The following FAM120A variants were observed in gnomAD, a reference collection of about 807,000 sequenced individuals.
FAM120A encodes family with sequence similarity 120 member A.
Under a neutral mutation model 109.7 loss-of-function variants are expected in FAM120A, and 15 were observed. The observed-to-expected ratio is 0.14, with a 90% CI of 0.09 to 0.21. FAM120A has a LOEUF of 0.21. FAM120A is among the 10% of genes least tolerant of loss of function. FAM120A has a pLI of 1.00. For synonymous variants in FAM120A, 493 were observed against 572.8 expected (o/e 0.86, Z 1.99); for missense variants, 899 against 1,439.3 (o/e 0.62, Z 6.07).
chr9:93,533,898 T>C (rs1200611874), intron 10 of FAM120A, among the ~76,000 whole-genome samples: 2 of 152,236 alleles, frequency 1.3e-5, no homozygotes, highest in Non-Finnish European at 2.9e-5. Flanking sequence ...TACCTTTACA[T>C]AGCAAACTCC....
At chr9:93,521,127 T>C (rs548771436) in intron 7 of FAM120A, among the ~76,000 whole-genome samples, 1 of 152,194 alleles carries the variant, frequency 6.6e-6, no homozygotes, top group African/African-American at 2.4e-5. Flanking sequence ...TCTTGCCACA[T>C]AGTTGTGCCT....
Position 93,451,699 on chromosome 9 carries a change from G to GGCGGCA in FAM120A, c.-211_-206dup. 1.0e-6 allele frequency: 1 copy of GGCGGCA among 978,324 alleles called. No individual in the cohort carries two copies. The highest frequency in any genetic ancestry group is 1.2e-6 in the Non-Finnish European group (1 of 829,258). The allele number at this position is 978,324 out of a possible 1,614,324, so 60.6% of individuals were successfully genotyped here. Reference sequence around the variant, plus strand: ...TCGGCCTCGGCCTCGGCCTCGCAGCGGCGGCAGCGGCGGCGGCGGCAGGTC... The same window carrying GGCGGCA: ...TCGGCCTCGGCCTCGGCCTCGCAGCGGCGGCAGCGGCAGCGGCGGCGGCGGCAGGTC... On this transcript the variant is annotated 5_prime_UTR_variant, in exon 1 of 18. Coordinates refer to ENST00000277165, the MANE Select transcript of FAM120A (RefSeq NM_014612.5).
In FAM120A at chr9:93,543,307, G is replaced by A. The variant is rs1057234840; in HGVS notation, c.1995G>A (p.Arg665=). The change falls in exon 11 of 18, where the codon AGG becomes AGA. Residue 665 remains arginine, a synonymous_variant. Coordinates refer to ENST00000277165, the MANE Select transcript of FAM120A (RefSeq NM_014612.5). ...AACTGGTTGAAGCTCTTGCCTTCAG[G>A]GAGTGGACCTGCCCCAACCTGAAGA... ...TPELVEALAF[R]EWTCPNLKRL... is the part of the protein sequence containing the mutation. The A allele has an allele frequency of 2.5e-6, 4 of 1,614,244 alleles. No homozygotes were observed. The highest frequency in any genetic ancestry group is 3.4e-6 in the Non-Finnish European group (4 of 1,180,048).
Position 93,543,172 on chromosome 9 carries a change from G to A in FAM120A, c.1910-50G>A, listed in dbSNP as rs751906667. On this transcript the variant is annotated intron_variant, in intron 10 of 17. Transcript: ENST00000277165. ...CTGCTTGTTTTTGTTAAGACTGAAA[G>A]CAGGTGAATGATGCATGAATGTGTC... 8 of 1,585,744 alleles carry A rather than the reference G, an allele frequency of 5.0e-6. No individual in the cohort carries two copies. In the South Asian group the frequency reaches 9.1e-5, roughly 18 times the overall value.
intron 12 of FAM120A, among the ~76,000 whole-genome samples, chr9:93,551,977 T>C (rs973286667): frequency 2.6e-5 from 4 of 152,230 alleles, no homozygotes; most frequent in African/African-American, 9.6e-5. Flanking sequence ...GTCAGGTCCT[T>C]TCCCGTGTCC....
At chr9:93,491,457 T>G (rs1859316990) in intron 3 of FAM120A, among the ~76,000 whole-genome samples, 1 of 152,172 alleles carries the variant, frequency 6.6e-6, no homozygotes, top group South Asian at 2.1e-4. Flanking sequence ...TAGGAAATGA[T>G]GAGGAGATTT....
chr9:93,529,201 G>C, intron 8 of FAM120A, 152 bp from the exon 9 acceptor site: 1 of 625,218 alleles, frequency 1.6e-6, no homozygotes, highest in South Asian at 2.2e-5. Flanking sequence ...TGTTTCCTCT[G>C]TCTTTAGGGT....
At chr9:93,529,965 T>A in intron 9 of FAM120A, 1 of 430,052 alleles carries the variant, frequency 2.3e-6, no homozygotes, top group Admixed American at 4.2e-5. Context: ...GGTTCCTTTA[T>A]CATTTGTGCT....
chr9:93,502,594 A>ACACACACG (rs1313908163), intron 5 of FAM120A, among the ~76,000 whole-genome samples: 5 of 151,718 alleles, frequency 3.3e-5, no homozygotes, highest in Non-Finnish European at 1.5e-5. Context: ...ACACACACAC[A>ACACACACG]CACACGCACA....
intron 3 of FAM120A, among the ~76,000 whole-genome samples, chr9:93,491,157 T>C (rs10992756): frequency 0.28 from 42,599 of 152,212 alleles, 7,056 homozygotes; most frequent in East Asian, 0.44. Flanking sequence ...ACCACCCATT[T>C]GGGGAACAGG....
At position 93,529,357 on chromosome 9, in the gene FAM120A, A is replaced by G; in HGVS notation, c.1511A>G (p.Glu504Gly). 6.2e-7 allele frequency: 1 copy of G among 1,601,990 alleles called. No individual in the cohort carries two copies. Among genetic ancestry groups the G allele is most frequent in the Non-Finnish European group, 8.5e-7 (1 of 1,174,396 alleles). ...RGDPGDQTKA[E>G]GSSTASSGSQ... ...CTTCTGCTCTCTGCACTGTAGGCAGAAGGCTCGTCCACTGCCTCTTCAGGA... is the reference window on the plus strand; with the variant it reads ...CTTCTGCTCTCTGCACTGTAGGCAGGAGGCTCGTCCACTGCCTCTTCAGGA... The change falls in exon 9 of 18, where the codon GAA becomes GGA. Residue 504 changes from glutamate to glycine, a missense_variant. Physicochemically the swap from Glu to Gly is moderately conservative, Grantham distance 98 (BLOSUM62 -2). Transcript: ENST00000277165.
intron 1 of FAM120A, among the ~76,000 whole-genome samples, chr9:93,461,326 T>C: frequency 6.6e-6 from 1 of 152,188 alleles, no homozygotes; most frequent in East Asian, 1.9e-4. Flanking sequence ...CATTTATGAA[T>C]AGTAGTAACA....
At chr9:93,508,139 G>A (rs1739140646) in intron 5 of FAM120A, among the ~76,000 whole-genome samples, 1 of 152,184 alleles carries the variant, frequency 6.6e-6, no homozygotes, top group South Asian at 2.1e-4. Flanking sequence ...CCACTAAGCA[G>A]CATGGGGAGG....
intron 3 of FAM120A, among the ~76,000 whole-genome samples, chr9:93,485,491 A>G (rs992793687): frequency 6.6e-6 from 1 of 152,138 alleles, no homozygotes; most frequent in Non-Finnish European, 1.5e-5. Context: ...CAACTACTTG[A>G]CAGACTGAAG....
chr9:93,462,473 G>C (rs545933342), intron 1 of FAM120A, among the ~76,000 whole-genome samples: 3 of 152,282 alleles, frequency 2.0e-5, no homozygotes, highest in African/African-American at 7.2e-5. Flanking sequence ...GTAGAGACAG[G>C]GTTTCACCAT....
intron 1 of FAM120A, among the ~76,000 whole-genome samples, chr9:93,462,076 C>T (rs1400919210): frequency 1.3e-5 from 2 of 152,152 alleles, no homozygotes; most frequent in Non-Finnish European, 2.9e-5. Flanking sequence ...TACATACATC[C>T]TAATTGTCGT....
At chr9:93,493,553 A>G (rs1564325273) in intron 3 of FAM120A, among the ~76,000 whole-genome samples, 2 of 152,160 alleles carry the variant, frequency 1.3e-5, no homozygotes, top group Non-Finnish European at 2.9e-5. Context: ...TTCAGCATCA[A>G]CTCTTGAACG....
At chr9:93,487,464 C>T (rs1859113565) in intron 3 of FAM120A, among the ~76,000 whole-genome samples, 1 of 152,130 alleles carries the variant, frequency 6.6e-6, no homozygotes, top group South Asian at 2.1e-4. Flanking sequence ...ACCTGGCCTG[C>T]ATTCTAAGGA....
chr9:93,466,183 A>G (rs1013363754), intron 1 of FAM120A, among the ~76,000 whole-genome samples: 1 of 152,122 alleles, frequency 6.6e-6, no homozygotes, highest in Non-Finnish European at 1.5e-5. Context: ...TCCACATTCA[A>G]AGGGGATAGG....
Sources: allele counts gnomAD v4.1 joint callset (sites outside exome capture counted in the v4.1 genomes callset), GRCh38; gene constraint gnomAD v4.1.1; transcripts MANE v1.5; gene names NCBI Gene and HGNC (gene_info 2026-07-23, HGNC 2026-07-21).